NAALADL2: variants seen among roughly 807,000 people sequenced by gnomAD.
NAALADL2 encodes the protein N-acetylated alpha-linked acidic dipeptidase like 2.
NAALADL2 carries 76 observed loss-of-function variants against 87.2 expected under a neutral mutation model. That is an observed-to-expected ratio of 0.87 (90% CI 0.72 to 1.05). The LOEUF is 1.05. Ranked by LOEUF, NAALADL2 falls within the 50% of genes least tolerant of loss-of-function variation. The pLI is 0.00. For synonymous variants in NAALADL2, 354 were observed against 331.0 expected, an observed-to-expected ratio of 1.07 and a Z score of -0.75; for missense variants, 1,089 against 945.8, an observed-to-expected ratio of 1.15 and a Z score of -1.99.
chr3:175,481,293 A>G (rs953806222), intron 9 of NAALADL2, among the ~76,000 whole-genome samples: 5 of 151,630 alleles, frequency 3.3e-5, no homozygotes, highest in Non-Finnish European at 7.4e-5. Flanking sequence ...TTTAACATTT[A>G]TATACATTTC....
intron 11 of NAALADL2, among the ~76,000 whole-genome samples, chr3:175,708,797 C>A (rs1740101671): frequency 6.7e-6 from 1 of 150,114 alleles, no homozygotes; most frequent in African/African-American, 2.5e-5. Context: ...ATTCTTTCAG[C>A]TTTCTCCTAC....
intron 2 of NAALADL2, among the ~76,000 whole-genome samples, chr3:175,108,924 G>A (rs1451502382): frequency 1.3e-5 from 2 of 151,624 alleles, no homozygotes; most frequent in African/African-American, 2.4e-5. Context: ...TCTTGGGGGT[G>A]GCATGGGCAG....
chr3:174,654,845 C>G (rs143716944), intron 2 of NAALADL2, among the ~76,000 whole-genome samples: 1 of 152,118 alleles, frequency 6.6e-6, no homozygotes, highest in Non-Finnish European at 1.5e-5. Context: ...AAGCCATTCT[C>G]CTGCCTCAGC....
chr3:175,012,124 G>A (rs1749905514), intron 1 of NAALADL2, among the ~76,000 whole-genome samples: 1 of 152,140 alleles, frequency 6.6e-6, no homozygotes, highest in Non-Finnish European at 1.5e-5. Flanking sequence ...AACGTGGACA[G>A]TATTGTAAGC....
rs139902268 is a variant in NAALADL2 at position 175,031,162 on chromosome 3, A to G, written c.44-65628A>G. 2.6e-5 allele frequency among the ~76,000 whole-genome samples: 4 copies of G among 152,142 alleles called. No individual in the cohort carries two copies. In the East Asian group the frequency reaches 7.7e-4, roughly 29 times the overall value. The stretch of plus-strand genomic sequence containing the variant: ...AACTTTAATTTTAGAATGAGGGGGT[A>G]CATGTGCAGGTTTGTTACACGGGTA... On this transcript the variant is annotated intron_variant, in intron 1 of 13. Coordinates refer to ENST00000454872, the MANE Select transcript of NAALADL2 (RefSeq NM_207015.3).
At chr3:175,371,824 A>G (rs1020128165) in intron 5 of NAALADL2, among the ~76,000 whole-genome samples, 6 of 151,932 alleles carry the variant, frequency 3.9e-5, no homozygotes, top group African/African-American at 1.4e-4. Flanking sequence ...TTAAAAAAAA[A>G]AAAAGATAAC....
chr3:174,486,104 G>A (rs577691785), intron 1 of NAALADL2, among the ~76,000 whole-genome samples: 1 of 152,002 alleles, frequency 6.6e-6, no homozygotes, highest in African/African-American at 2.4e-5. Flanking sequence ...GGGATAGGAT[G>A]CCTGGAGACA....
At chr3:175,182,550 G>GTTTTTTTTTTTTTTTTTTTTT (rs1161831796) in intron 2 of NAALADL2, among the ~76,000 whole-genome samples, 4 of 69,474 alleles carry the variant, frequency 5.8e-5, no homozygotes, top group African/African-American at 1.8e-4. Context: ...ACCACAGCCA[G>GTTTTTTTTTTTTTTTTTTTTT]TTTTTTTTTT....
intron 2 of NAALADL2, among the ~76,000 whole-genome samples, chr3:175,197,959 A>G (rs1204556144): frequency 6.6e-6 from 1 of 152,082 alleles, no homozygotes; most frequent in Non-Finnish European, 1.5e-5. Context: ...GGGAAAGTAC[A>G]GTACTTTCTT....
At chr3:175,208,202 T>C (rs1310106894) in intron 2 of NAALADL2, among the ~76,000 whole-genome samples, 1 of 152,128 alleles carries the variant, frequency 6.6e-6, no homozygotes, top group African/African-American at 2.4e-5. Flanking sequence ...TTTATTTCTA[T>C]CCCAAGCTTC....
intron 3 of NAALADL2, among the ~76,000 whole-genome samples, chr3:174,850,082 G>T (rs183618348): frequency 1.3e-5 from 2 of 152,032 alleles, no homozygotes; most frequent in Admixed American, 6.5e-5. Context: ...TGTAACATAG[G>T]CCTGGTGTTT....
intron 4 of NAALADL2, 77 bp from the exon 5 acceptor site, chr3:175,324,092 TCATAGC>T (rs1760368032): frequency 1.1e-6 from 1 of 929,496 alleles, no homozygotes; most frequent in Non-Finnish European, 1.6e-6. Context: ...AGTCATCTTA[TCATAGC>T]CACATTGGCA....
intron 2 of NAALADL2, among the ~76,000 whole-genome samples, chr3:174,649,836 G>T (rs1724174202): frequency 6.6e-6 from 1 of 152,014 alleles, no homozygotes. Context: ...ATCTCTTTTG[G>T]TAATAAATAG....
At chr3:175,680,186 G>A (rs948724992) in intron 11 of NAALADL2, among the ~76,000 whole-genome samples, 1 of 152,132 alleles carries the variant, frequency 6.6e-6, no homozygotes, top group Non-Finnish European at 1.5e-5. Context: ...TGATTGTTTA[G>A]TATCTTTAAG....
chr3:175,023,637 A>T (rs763676299), intron 1 of NAALADL2, among the ~76,000 whole-genome samples: 7 of 152,214 alleles, frequency 4.6e-5, no homozygotes, highest in Admixed American at 2.6e-4. Flanking sequence ...CATACTACTC[A>T]TTGTCTGCTA....
At chr3:175,565,862 C>T (rs1717058494) in intron 9 of NAALADL2, among the ~76,000 whole-genome samples, 1 of 115,164 alleles carries the variant, frequency 8.7e-6, no homozygotes, top group African/African-American at 3.3e-5. Context: ...TGGAATCTCA[C>T]TCTGTCCCCC....
chr3:174,496,220 G>T (rs1167726456), intron 1 of NAALADL2, among the ~76,000 whole-genome samples: 2 of 152,086 alleles, frequency 1.3e-5, no homozygotes, highest in Non-Finnish European at 2.9e-5. Flanking sequence ...CCTTGAAATT[G>T]TTTTTGTTTG....
At chr3:175,324,474 TCTC>T in intron 5 of NAALADL2, 149 bp downstream of exon 5, 1 of 648,468 alleles carries the variant, frequency 1.5e-6, no homozygotes, top group South Asian at 2.6e-5. Flanking sequence ...TTTTTTATCT[TCTC>T]ATAATTATAG....
At chr3:175,603,410 T>C (rs1348932979) in intron 10 of NAALADL2, among the ~76,000 whole-genome samples, 2 of 152,152 alleles carry the variant, frequency 1.3e-5, no homozygotes, top group African/African-American at 4.8e-5. Flanking sequence ...CCACCATCCA[T>C]TTCCAGAATT....
Sources: allele counts gnomAD v4.1 joint callset (sites outside exome capture counted in the v4.1 genomes callset), GRCh38; gene constraint gnomAD v4.1.1; transcripts MANE v1.5; gene names NCBI Gene and HGNC (gene_info 2026-07-23, HGNC 2026-07-21).